SORCS3: variants seen among roughly 807,000 people sequenced by gnomAD.
The protein encoded by SORCS3 is VPS10 domain-containing receptor SorCS3.
SORCS3 carries 57 observed loss-of-function variants against 146.3 expected under a neutral mutation model. The ratio of observed to expected loss-of-function variants is 0.39; its 90% CI spans 0.31 to 0.49. The LOEUF (loss-of-function observed/expected upper bound fraction) is 0.49. Among genes scored for constraint, SORCS3 ranks in the 20% least tolerant of loss-of-function variants. The pLI is 0.92. For synonymous variants in SORCS3, 653 were observed against 618.5 expected, an observed-to-expected ratio of 1.06 and a Z score of -0.83; for missense variants, 1,341 against 1,575.5, an observed-to-expected ratio of 0.85 and a Z score of 2.52.
chr10:105,220,452 G>A (rs934388868), intron 19 of SORCS3, among the ~76,000 whole-genome samples: 13 of 152,160 alleles, frequency 8.5e-5, no homozygotes, highest in Non-Finnish European at 1.6e-4. Context: ...AGGCCCCCAA[G>A]TGATAGAAAG....
intron 3 of SORCS3, among the ~76,000 whole-genome samples, chr10:104,919,136 C>T (rs976262925): frequency 6.6e-6 from 1 of 152,146 alleles, no homozygotes; most frequent in Admixed American, 6.5e-5. Context: ...ATACCACCTC[C>T]ATTTATCCTT....
intron 4 of SORCS3, among the ~76,000 whole-genome samples, chr10:105,018,291 G>T (rs534174621): frequency 3.3e-5 from 5 of 152,348 alleles, no homozygotes; most frequent in African/African-American, 1.2e-4. Context: ...GGTGGAAAGA[G>T]AGCTCCTTCC....
At position 105,156,428 on chromosome 10, in the gene SORCS3, T is replaced by C. The variant is rs530700840; in HGVS notation, c.1483-710T>C. ...CCTTTAATCCTCTAGCGGCTTGTTTTGTGGTGATGCTCTTTTCCCGTCAAA... is the reference window on the plus strand; with the variant it reads ...CCTTTAATCCTCTAGCGGCTTGTTTCGTGGTGATGCTCTTTTCCCGTCAAA... On this transcript the variant is annotated intron_variant, in intron 9 of 26. Transcript: ENST00000369701. Among the ~76,000 whole-genome samples, 4 of 152,328 alleles carry C rather than the reference T, an allele frequency of 2.6e-5. No homozygotes were observed. The South Asian group carries it at 8.3e-4, about 32-fold the overall frequency.
chr10:104,959,305 G>A (rs1317816483), intron 3 of SORCS3, among the ~76,000 whole-genome samples: 1 of 152,122 alleles, frequency 6.6e-6, no homozygotes, highest in African/African-American at 2.4e-5. Flanking sequence ...ACCACCCCCA[G>A]TGTGAGGGTA....
intron 1 of SORCS3, among the ~76,000 whole-genome samples, chr10:104,832,603 A>G (rs529348675): frequency 1.3e-5 from 2 of 152,308 alleles, no homozygotes; most frequent in African/African-American, 4.8e-5. Context: ...TCGTAATTCC[A>G]GCTACTCAGG....
chr10:105,193,998 G>A (rs1054872491), intron 14 of SORCS3, among the ~76,000 whole-genome samples: 4 of 152,046 alleles, frequency 2.6e-5, no homozygotes, highest in Admixed American at 6.6e-5. Context: ...CAAGGTAAAA[G>A]GAAAGAGAAA....
intron 7 of SORCS3, among the ~76,000 whole-genome samples, chr10:105,110,163 TTC>T (rs2055849992): frequency 6.6e-6 from 1 of 152,202 alleles, no homozygotes; most frequent in South Asian, 2.1e-4. Flanking sequence ...TGCTTTTTTT[TTC>T]TTTTTCCTGT....
intron 6 of SORCS3, among the ~76,000 whole-genome samples, 183 bp downstream of exon 6, chr10:105,090,022 A>G (rs703472): frequency 0.25 from 37,365 of 152,132 alleles, 4,743 homozygotes; most frequent in Admixed American, 0.34. Flanking sequence ...TTTCATTGAA[A>G]CAAACTCTTG....
chr10:104,866,230 T>G (rs975278911), intron 2 of SORCS3, among the ~76,000 whole-genome samples: 1 of 152,208 alleles, frequency 6.6e-6, no homozygotes, highest in Admixed American at 6.5e-5. Flanking sequence ...ATGAGGTTTA[T>G]GTAACAGAAT....
chr10:105,201,807 G>A (rs114461421), intron 16 of SORCS3, among the ~76,000 whole-genome samples: 1,579 of 152,260 alleles, frequency 0.01, 33 homozygotes, highest in African/African-American at 0.037. Flanking sequence ...GTGTCTGGCT[G>A]TCTACTCAGC....
At chr10:104,908,234 C>T (rs897912226) in intron 2 of SORCS3, among the ~76,000 whole-genome samples, 1 of 152,212 alleles carries the variant, frequency 6.6e-6, no homozygotes, top group Non-Finnish European at 1.5e-5. Context: ...TTTTGATTCT[C>T]CAGGCAACTG....
In SORCS3 at chr10:104,771,836, G is replaced by A. The variant is rs2017253321; in HGVS notation, c.628-70956G>A. Among the ~76,000 whole-genome samples, 7 of 151,708 alleles carry A rather than the reference G, an allele frequency of 4.6e-5. No individual in the cohort carries two copies. The South Asian group carries it at 1.5e-3, about 32-fold the overall frequency. On this transcript the variant is annotated intron_variant, in intron 1 of 26. Coordinates refer to ENST00000369701, the MANE Select transcript of SORCS3 (RefSeq NM_014978.3). ...TACAATGAGAAGGACGATGGGGGAG[G>A]GAAAGTGAGTTGACCAAGGCTGACT...
At chr10:104,778,578 T>A (rs1220151647) in intron 1 of SORCS3, among the ~76,000 whole-genome samples, 1 of 152,232 alleles carries the variant, frequency 6.6e-6, no homozygotes, top group Non-Finnish European at 1.5e-5. Context: ...AAGCACCAGC[T>A]CAGTTCCTGG....
chr10:105,216,795 G>C (rs2056667710), intron 18 of SORCS3, 141 bp from the exon 19 acceptor site: 2 of 759,248 alleles, frequency 2.6e-6, no homozygotes, highest in South Asian at 3.4e-5. Context: ...ATAGGAGTGT[G>C]ATCATTGTGT....
chr10:105,228,301 C>T (rs2056745775), intron 20 of SORCS3, among the ~76,000 whole-genome samples: 1 of 151,440 alleles, frequency 6.6e-6, no homozygotes, highest in Non-Finnish European at 1.5e-5. Flanking sequence ...TTTCATGTGT[C>T]TGCCTGCCTG....
intron 1 of SORCS3, among the ~76,000 whole-genome samples, chr10:104,826,744 A>G (rs948791046): frequency 3.3e-5 from 5 of 152,160 alleles, no homozygotes; most frequent in Non-Finnish European, 5.9e-5. Flanking sequence ...AGTTTGCTGC[A>G]TTGGTTGACT....
At chr10:104,893,590 C>G (rs551073155) in intron 2 of SORCS3, among the ~76,000 whole-genome samples, 4 of 152,200 alleles carry the variant, frequency 2.6e-5, no homozygotes, top group Non-Finnish European at 5.9e-5. Context: ...CCCTTTATGC[C>G]TTGACTGACT....
chr10:105,071,643 C>T (rs184036605), intron 5 of SORCS3, among the ~76,000 whole-genome samples: 12 of 152,264 alleles, frequency 7.9e-5, no homozygotes, highest in East Asian at 7.7e-4. Flanking sequence ...GTATCGATCC[C>T]GTCAAGCATT....
intron 1 of SORCS3, among the ~76,000 whole-genome samples, chr10:104,802,055 G>T (rs1009645856): frequency 6.6e-6 from 1 of 152,088 alleles, no homozygotes; most frequent in Non-Finnish European, 1.5e-5. Flanking sequence ...AAATATTTTG[G>T]TGAGTCATTC....
Sources: allele counts gnomAD v4.1 joint callset (sites outside exome capture counted in the v4.1 genomes callset), GRCh38; gene constraint gnomAD v4.1.1; transcripts MANE v1.5; gene names NCBI Gene and HGNC (gene_info 2026-07-23, HGNC 2026-07-21).